Variants in STXBP5L observed in about 807,000 individuals in gnomAD.
STXBP5L encodes the protein syntaxin binding protein 5L.
In STXBP5L, 65 loss-of-function variants were observed where a neutral mutation model predicts 144.5. That is an observed-to-expected ratio of 0.45 (90% CI 0.37 to 0.55). The LOEUF (loss-of-function observed/expected upper bound fraction) is 0.55, where lower values mean the gene tolerates loss of function less well. Ranked by LOEUF, STXBP5L falls within the 20% of genes least tolerant of loss-of-function variation. STXBP5L has a pLI of 0.00. For missense variants in STXBP5L, 1,298 were observed against 1,405.5 expected (o/e 0.92, Z 1.22); for synonymous variants, 505 against 469.6 (o/e 1.08, Z -0.97).
intron 3 of STXBP5L, among the ~76,000 whole-genome samples, chr3:121,040,184 C>A (rs575979908): frequency 6.6e-6 from 1 of 151,894 alleles, no homozygotes; most frequent in Non-Finnish European, 1.5e-5. Context: ...TTGAATTTTA[C>A]GTTTTTGAGT....
chr3:121,340,788 TAAC>T lies in STXBP5L; in HGVS notation c.2176+22255_2176+22257del, dbSNP rs753294824. 5.3e-5 allele frequency among the ~76,000 whole-genome samples: 8 copies of T among 152,114 alleles called. No individual in the cohort carries two copies. The East Asian group carries it at 9.7e-4, about 18-fold the overall frequency. On this transcript the variant is annotated intron_variant, in intron 20 of 26. Coordinates refer to ENST00000471454, the MANE Select transcript of STXBP5L (RefSeq NM_001308330.2). ...AAGACCCAGGTGAACCAATAAAAAA[TAAC>T]AACAACTTTTCAAGTCATAGTATAA...
chr3:121,303,219 A>T (rs1383832314), intron 19 of STXBP5L, among the ~76,000 whole-genome samples: 2 of 152,262 alleles, frequency 1.3e-5, no homozygotes, highest in Non-Finnish European at 2.9e-5. Context: ...TGGGCAAAGG[A>T]TATGAACAGA....
intron 3 of STXBP5L, among the ~76,000 whole-genome samples, chr3:121,005,000 G>A (rs899612948): frequency 6.6e-6 from 1 of 152,178 alleles, no homozygotes; most frequent in Admixed American, 6.5e-5. Flanking sequence ...AGGGATGTTG[G>A]TCTAAAATTC....
chr3:120,997,899 T>C (rs1943474078), intron 3 of STXBP5L, among the ~76,000 whole-genome samples: 1 of 152,170 alleles, frequency 6.6e-6, no homozygotes, highest in Admixed American at 6.6e-5. Flanking sequence ...CAAATACACT[T>C]TATACCTAGA....
At chr3:121,378,570 T>C in intron 20 of STXBP5L, 146 bp from the exon 21 acceptor site, 2 of 958,290 alleles carry the variant, frequency 2.1e-6, no homozygotes, top group Non-Finnish European at 1.4e-6. Flanking sequence ...GACTAAGTCT[T>C]AAAAGAACAA....
intron 9 of STXBP5L, among the ~76,000 whole-genome samples, chr3:121,191,089 C>A (rs1031103664): frequency 6.6e-6 from 1 of 151,966 alleles, no homozygotes; most frequent in Admixed American, 6.6e-5. Context: ...CCTCACATCC[C>A]AGACGATGGG....
chr3:120,971,662 C>A (rs1482077465), intron 3 of STXBP5L, among the ~76,000 whole-genome samples: 1 of 147,544 alleles, frequency 6.8e-6, no homozygotes, highest in Non-Finnish European at 1.5e-5. Context: ...CACACACACA[C>A]ATATACATTC....
intron 3 of STXBP5L, among the ~76,000 whole-genome samples, chr3:120,973,960 G>A (rs1370294952): frequency 5.3e-5 from 8 of 152,132 alleles, no homozygotes; most frequent in African/African-American, 1.9e-4. Flanking sequence ...ATTTGGGTTG[G>A]TTCCAAGTCT....
intron 3 of STXBP5L, among the ~76,000 whole-genome samples, chr3:120,967,538 G>T (rs72966752): frequency 6.6e-6 from 1 of 151,972 alleles, no homozygotes; most frequent in Non-Finnish European, 1.5e-5. Flanking sequence ...TTTCAATTTC[G>T]TTTATTTTTT....
intron 20 of STXBP5L, among the ~76,000 whole-genome samples, chr3:121,329,729 C>A (rs1302510566): frequency 6.6e-6 from 1 of 152,020 alleles, no homozygotes; most frequent in Non-Finnish European, 1.5e-5. Context: ...GGCATGGTGG[C>A]AGGCGCCTAT....
At chr3:121,180,895 C>CAAGAG (rs573231887) in intron 9 of STXBP5L, among the ~76,000 whole-genome samples, 1 of 133,262 alleles carries the variant, frequency 7.5e-6, no homozygotes, top group African/African-American at 2.8e-5. Flanking sequence ...GAAGAGAAGA[C>CAAGAG]AAGAGAAGAG....
chr3:121,283,578 G>C (rs2108446892), intron 19 of STXBP5L, among the ~76,000 whole-genome samples: 1 of 152,032 alleles, frequency 6.6e-6, no homozygotes, highest in South Asian at 2.1e-4. Flanking sequence ...CTGTAATAAA[G>C]TTTTATTGGA....
rs1337583417 is a variant in STXBP5L, at chr3:121,187,256, A to G, written c.878-18667A>G. ...ATGAGTTCATGTCCTTTGTAGGGAC[A>G]TGGATGAAGCTGGAAACCATCATTC... On this transcript the variant is annotated intron_variant, in intron 9 of 26. Coordinates refer to ENST00000471454, the MANE Select transcript of STXBP5L (RefSeq NM_001308330.2). 3.3e-5 allele frequency among the ~76,000 whole-genome samples: 5 copies of G among 152,250 alleles called. No homozygotes were observed. In the South Asian group the frequency reaches 1.0e-3, roughly 32 times the overall value.
chr3:120,977,691 T>C (rs7431561), intron 3 of STXBP5L, among the ~76,000 whole-genome samples: 80,246 of 151,838 alleles, frequency 0.53, 21,740 homozygotes, highest in African/African-American at 0.62. Context: ...ACCAGTTGTT[T>C]CTTTCCATGT....
chr3:121,094,417 A>G (rs984200069), intron 5 of STXBP5L, among the ~76,000 whole-genome samples: 13 of 151,956 alleles, frequency 8.6e-5, no homozygotes, highest in East Asian at 5.8e-4. Context: ...AAGTCTCTTT[A>G]TAGGTCACTC....
chr3:121,102,629 A>G (rs1462394593), intron 5 of STXBP5L, among the ~76,000 whole-genome samples: 4 of 152,152 alleles, frequency 2.6e-5, no homozygotes, highest in African/African-American at 9.7e-5. Context: ...ATCATTCTGG[A>G]CATTGGCCTT....
intron 2 of STXBP5L, among the ~76,000 whole-genome samples, chr3:120,934,915 A>G (rs1185956708): frequency 1.3e-5 from 2 of 151,986 alleles, no homozygotes; most frequent in African/African-American, 2.4e-5. Context: ...TGTAGACAAC[A>G]TATAGTGGGG....
chr3:121,372,416 C>A (rs758433795), intron 20 of STXBP5L, among the ~76,000 whole-genome samples: 4 of 152,152 alleles, frequency 2.6e-5, no homozygotes, highest in Admixed American at 1.3e-4. Flanking sequence ...ACCCTCTGGG[C>A]GCTAGCTGGA....
chr3:121,039,007 G>T (rs1365053434), intron 3 of STXBP5L, among the ~76,000 whole-genome samples: 3 of 151,654 alleles, frequency 2.0e-5, no homozygotes, highest in East Asian at 1.9e-4. Flanking sequence ...TTTAAAGGAG[G>T]TTTCTGTACA....
Sources: allele counts gnomAD v4.1 joint callset (sites outside exome capture counted in the v4.1 genomes callset), GRCh38; gene constraint gnomAD v4.1.1; transcripts MANE v1.5; gene names NCBI Gene and HGNC (gene_info 2026-07-23, HGNC 2026-07-21).